The following SUPT3H variants were observed in gnomAD, a reference collection of about 807,000 sequenced individuals.
SUPT3H encodes SPT3 homolog, SAGA and STAGA complex component, also known as transcription initiation protein SPT3 homolog.
A neutral mutation model predicts 44.3 loss-of-function variants in SUPT3H; 44 were observed. The observed-to-expected ratio is 0.99, with a 90% CI of 0.78 to 1.28. The LOEUF (loss-of-function observed/expected upper bound fraction) is 1.28, where lower values mean the gene tolerates loss of function less well. Ranked by LOEUF, SUPT3H falls within the 50% of genes most tolerant of loss-of-function variation. The pLI, the probability that SUPT3H is intolerant of heterozygous loss-of-function variation, is 0.00. For missense variants in SUPT3H, 380 were observed against 387.1 expected (o/e 0.98, Z 0.15); for synonymous variants, 124 against 125.6 (o/e 0.99, Z 0.09).
intron 2 of SUPT3H, among the ~76,000 whole-genome samples, chr6:45,182,531 G>T (rs1387434174): frequency 6.6e-6 from 1 of 152,300 alleles, no homozygotes; most frequent in Non-Finnish European, 1.5e-5. Context: ...CAAAAGGCTG[G>T]GATTACAGGC....
Position 44,935,646 on chromosome 6 carries a change from T to C in SUPT3H, c.802-2883A>G, listed in dbSNP as rs531270610. The stretch of plus-strand genomic sequence containing the variant: ...TGGCTGCATTCACACTCTATTCTTG[T>C]ATCCTTCCATTTTTGTATTAATAGT... On this transcript the variant is annotated intron_variant, in intron 9 of 10. Coordinates refer to ENST00000371459, the MANE Select transcript of SUPT3H (RefSeq NM_003599.4). Among the ~76,000 whole-genome samples the C allele has an allele frequency of 1.9e-4, 29 of 152,338 alleles. No individual in the cohort carries two copies. The South Asian group carries it at 5.6e-3, about 29-fold the overall frequency.
chr6:45,062,543 G>C (rs867628719), intron 3 of SUPT3H, among the ~76,000 whole-genome samples: 1 of 152,210 alleles, frequency 6.6e-6, no homozygotes, highest in Non-Finnish European at 1.5e-5. Flanking sequence ...ATTTCCATCT[G>C]AGGTACCGGG....
intron 2 of SUPT3H, among the ~76,000 whole-genome samples, chr6:45,346,122 T>C (rs371642833): frequency 4.6e-5 from 7 of 152,296 alleles, no homozygotes; most frequent in South Asian, 2.1e-4. Context: ...ATTCCTATAG[T>C]AGCATATCTG....
At chr6:45,345,283 C>T (rs1345908089) in intron 2 of SUPT3H, among the ~76,000 whole-genome samples, 1 of 152,084 alleles carries the variant, frequency 6.6e-6, no homozygotes, top group Non-Finnish European at 1.5e-5. Context: ...ACATGTTTTC[C>T]TATTTGCTAT....
At chr6:45,115,211 T>TAA in intron 2 of SUPT3H, among the ~76,000 whole-genome samples, 1 of 152,110 alleles carries the variant, frequency 6.6e-6, no homozygotes. Flanking sequence ...TCAAGAAAGT[T>TAA]AAGACATTTA....
At chr6:45,202,274 C>A (rs930098383) in intron 2 of SUPT3H, among the ~76,000 whole-genome samples, 1 of 151,664 alleles carries the variant, frequency 6.6e-6, no homozygotes, top group Admixed American at 6.6e-5. Context: ...AATGATGATA[C>A]CTTCCTTGGA....
At chr6:45,312,114 A>G (rs766580800) in intron 2 of SUPT3H, among the ~76,000 whole-genome samples, 1 of 152,150 alleles carries the variant, frequency 6.6e-6, no homozygotes, top group Non-Finnish European at 1.5e-5. Context: ...ACATAAACTT[A>G]AAGGGGTAGT....
At chr6:45,072,313 T>G (rs1187431286) in intron 3 of SUPT3H, among the ~76,000 whole-genome samples, 1 of 152,104 alleles carries the variant, frequency 6.6e-6, no homozygotes, top group Non-Finnish European at 1.5e-5. Context: ...AAAGACACAA[T>G]GAAAATTAAA....
chr6:44,858,367 A>C (rs1009333925), intron 10 of SUPT3H, among the ~76,000 whole-genome samples: 1 of 152,190 alleles, frequency 6.6e-6, no homozygotes, highest in African/African-American at 2.4e-5. Context: ...TTTACATTTA[A>C]TCTTCACAAC....
rs58902965 is a variant in SUPT3H at position 44,984,579 on chromosome 6, C to T, written c.504+19074G>A. ...TATATATTTAGCATCTTTGCGATCC[C>T]CAGTCTCTACATGAATCCATGATCT... On this transcript the variant is annotated intron_variant, in intron 6 of 10. Coordinates refer to ENST00000371459, the MANE Select transcript of SUPT3H (RefSeq NM_003599.4). Among the ~76,000 whole-genome samples, 593 of 152,078 alleles carry T rather than the reference C, an allele frequency of 3.9e-3. 7 individuals carry two copies. Among genetic ancestry groups the T allele is most frequent in the African/African-American group, 0.014 (565 of 41,470 alleles).
intron 2 of SUPT3H, among the ~76,000 whole-genome samples, chr6:45,331,151 G>A (rs1787426275): frequency 6.6e-6 from 1 of 151,882 alleles, no homozygotes; most frequent in African/African-American, 2.4e-5. Flanking sequence ...ACATGCTAGA[G>A]AAAGAGTATG....
At chr6:44,879,717 TTCCAGAGGAAGGAACAGGCAGCAA>T (rs1342901582) in intron 10 of SUPT3H, among the ~76,000 whole-genome samples, 3 of 152,152 alleles carry the variant, frequency 2.0e-5, no homozygotes, top group African/African-American at 7.2e-5. Context: ...GGGATGAAGC[TTCCAGAGGAAGGAACAGGCAGCAA>T]TCTTTGCTGT....
intron 2 of SUPT3H, among the ~76,000 whole-genome samples, chr6:45,251,534 G>A (rs897044491): frequency 2.0e-5 from 3 of 151,936 alleles, no homozygotes; most frequent in South Asian, 2.1e-4. Context: ...ATTTCCATCT[G>A]AACAGCAATC....
chr6:45,028,896 C>CAAAAAAAAAAAAAAA (rs57234806), intron 3 of SUPT3H, among the ~76,000 whole-genome samples: 90 of 71,016 alleles, frequency 1.3e-3, no homozygotes, highest in African/African-American at 1.5e-3. Context: ...AAACAGTTGC[C>CAAAAAAAAAAAAAAA]AAAAAAAAAA....
At chr6:45,187,722 A>G (rs1814488075) in intron 2 of SUPT3H, among the ~76,000 whole-genome samples, 1 of 152,260 alleles carries the variant, frequency 6.6e-6, no homozygotes. Context: ...CAGTACAAAA[A>G]GACCAAGGCA....
At chr6:44,942,089 G>A (rs567651890) in intron 9 of SUPT3H, among the ~76,000 whole-genome samples, 16 of 152,012 alleles carry the variant, frequency 1.1e-4, no homozygotes, top group Non-Finnish European at 2.1e-4. Flanking sequence ...TTAAATATAC[G>A]GAGAAAAATG....
intron 2 of SUPT3H, among the ~76,000 whole-genome samples, chr6:45,124,288 A>C (rs1376306988): frequency 6.6e-6 from 1 of 152,156 alleles, no homozygotes; most frequent in African/African-American, 2.4e-5. Context: ...TAATTTGTCA[A>C]AATATATGGA....
At chr6:45,183,214 C>G (rs2153614452) in intron 2 of SUPT3H, among the ~76,000 whole-genome samples, 1 of 152,094 alleles carries the variant, frequency 6.6e-6, no homozygotes, top group South Asian at 2.1e-4. Context: ...AAGCCAGACA[C>G]AAAAAGACAA....
intron 2 of SUPT3H, among the ~76,000 whole-genome samples, chr6:45,203,894 C>T (rs900112209): frequency 3.3e-5 from 5 of 152,142 alleles, no homozygotes; most frequent in Non-Finnish European, 5.9e-5. Flanking sequence ...CTCTGAACTA[C>T]TAATACTTCT....
Sources: gnomAD v4.1 joint callset for allele counts (sites outside exome capture counted in the v4.1 genomes callset) on GRCh38, gnomAD v4.1.1 for gene constraint, MANE v1.5 for transcripts, NCBI Gene and HGNC (gene_info 2026-07-23, HGNC 2026-07-21) for gene names.